The following CASP10 variants were observed in gnomAD, a reference collection of about 807,000 sequenced individuals.
CASP10 encodes caspase-10.
CASP10 carries 41 observed loss-of-function variants against 48.5 expected under a neutral mutation model. The observed-to-expected ratio is 0.85, with a 90% CI of 0.66 to 1.10. The LOEUF (loss-of-function observed/expected upper bound fraction) is 1.10, where lower values mean the gene tolerates loss of function less well. Among genes scored for constraint, CASP10 ranks in the 50% least tolerant of loss-of-function variants. The pLI, the probability that CASP10 is intolerant of heterozygous loss-of-function variation, is 0.00. For synonymous variants in CASP10, 232 were observed against 238.4 expected (o/e 0.97, Z 0.25); for missense variants, 614 against 614.5 (o/e 1.00, Z 0.01).
At chr2:201,186,422 C>A (rs966557111) in intron 2 of CASP10, 17 of 404,380 alleles carry the variant, frequency 4.2e-5, no homozygotes, top group African/African-American at 3.1e-4. Context: ...TGCTTACCAG[C>A]GGCTACACGT....
At chr2:201,196,894 T>C (rs1368094214) in intron 5 of CASP10, among the ~76,000 whole-genome samples, 2 of 152,168 alleles carry the variant, frequency 1.3e-5, no homozygotes, top group Non-Finnish European at 2.9e-5. Flanking sequence ...TCTATAAATT[T>C]GACTTTTCAG....
At chr2:201,224,448 A>T (rs1358446799), downstream of CASP10, among the ~76,000 whole-genome samples, 1 of 152,220 alleles carries the variant, frequency 6.6e-6, no homozygotes, top group Non-Finnish European at 1.5e-5. Flanking sequence ...TAAAAATTTT[A>T]AATTGTACTA....
At chr2:201,187,544 A>G (rs761599476) in intron 2 of CASP10, 162 bp from the exon 3 acceptor site, 4 of 689,344 alleles carry the variant, frequency 5.8e-6, no homozygotes, top group Non-Finnish European at 7.9e-6. Context: ...TCACTTAGAA[A>G]CTGAAAGTTT....
At chr2:201,201,740 C>T (rs1259104635) in intron 5 of CASP10, among the ~76,000 whole-genome samples, 5 of 152,080 alleles carry the variant, frequency 3.3e-5, no homozygotes. Context: ...CTTTCCCTCT[C>T]CATCAAATGA....
chr2:201,193,292 C>A (rs1944674413), intron 4 of CASP10, 173 bp downstream of exon 4: 1 of 559,648 alleles, frequency 1.8e-6, no homozygotes, highest in Non-Finnish European at 3.2e-6. Context: ...ACTGAAACCT[C>A]CGCCTCCCGG....
chr2:201,201,750 A>G (rs1006010378), intron 5 of CASP10, among the ~76,000 whole-genome samples: 3 of 152,170 alleles, frequency 2.0e-5, no homozygotes, highest in African/African-American at 7.2e-5. Flanking sequence ...CCATCAAATG[A>G]TGAATAAAAT....
chr2:201,228,951 A>G (rs1164619718), exon 10 of CASP10: 1 of 1,614,174 alleles, frequency 6.2e-7, no homozygotes, highest in Admixed American at 1.7e-5. Flanking sequence ...AATTTCTGGA[A>G]AAGACAATGG....
Position 201,202,553 on chromosome 2 carries a change from G to C in CASP10, c.685-1177G>C, listed in dbSNP as rs11896994. 2.4e-3 allele frequency among the ~76,000 whole-genome samples: 359 copies of C among 152,318 alleles called. 2 individuals carry two copies. Among genetic ancestry groups the C allele is most frequent in the African/African-American group, 8.0e-3 (331 of 41,572 alleles). On this transcript the variant is annotated intron_variant, in intron 5 of 9. Coordinates refer to ENST00000286186, the MANE Select transcript of CASP10 (RefSeq NM_032977.4). ...CTAATCCCAGAAGACTCACTCAACT[G>C]CTGGACAAAACCAGAAGGCAGTCTG...
rs754513922 is a variant in CASP10, at chr2:201,209,146, G to C, written c.999G>C (p.Glu333Asp). Residue 333 changes from glutamate to aspartate, a missense_variant, in exon 9 of 10, where the codon GAG becomes GAC. Physicochemically the swap from Glu to Asp is conservative, Grantham distance 45. Coordinates refer to ENST00000286186, the MANE Select transcript of CASP10 (RefSeq NM_032977.4). ...IHNNVTKVEM[E>D]MVLQKQKCNP... is the part of the protein sequence containing the mutation. ...ATAATGTGACGAAAGTGGAAATGGA[G>C]ATGGTCCTGCAGAAGCAGAAGTGCA... The C allele has an allele frequency of 6.2e-7, 1 of 1,612,112 alleles. No homozygotes were observed. The highest frequency in any genetic ancestry group is 1.1e-5 in the South Asian group (1 of 90,980).
chr2:201,210,308 C>T (rs534454288), intron 9 of CASP10, among the ~76,000 whole-genome samples: 1 of 152,192 alleles, frequency 6.6e-6, no homozygotes, highest in Non-Finnish European at 1.5e-5. Flanking sequence ...ATCTCTGGCC[C>T]ACTCATCTCT....
In CASP10 at chr2:201,203,697, CTA is replaced by C. The variant is rs757724157; in HGVS notation, c.685-31_685-30del. The C allele has an allele frequency of 5.6e-6, 9 of 1,602,900 alleles. No homozygotes were observed. In the East Asian group the frequency reaches 1.1e-4, roughly 20 times the overall value. On this transcript the variant is annotated intron_variant, in intron 5 of 9. Coordinates refer to ENST00000286186, the MANE Select transcript of CASP10 (RefSeq NM_032977.4). ...TCCTCATCCTAACTGTGTGAAATTCCTATGTTTCATGCCCTCCTTTCTTTTTT... is the reference window on the plus strand; with the variant it reads ...TCCTCATCCTAACTGTGTGAAATTCCTGTTTCATGCCCTCCTTTCTTTTTT...
At chr2:201,200,343 T>A in intron 5 of CASP10, 1 of 1,070,182 alleles carries the variant, frequency 9.3e-7, no homozygotes, top group Non-Finnish European at 1.4e-6. Flanking sequence ...TTTACTATGT[T>A]GGTTGTAAAA....
Position 201,217,952 on chromosome 2 carries a change from CA to C in CASP10, c.*212del. The C allele has an allele frequency of 7.7e-7, 1 of 1,303,760 alleles. No homozygotes were observed. The highest frequency in any genetic ancestry group is 1.0e-6 in the Non-Finnish European group (1 of 1,005,024). The allele number at this position is 1,303,760 out of a possible 1,614,324, so 80.8% of individuals were successfully genotyped here. A position where few individuals can be genotyped will look rare whatever the true frequency, so the allele number is the denominator to read the frequency against. Reference sequence around the variant, plus strand: ...TTTTTTGGAGATAGTCTCATTCTGTCACCCAGACTGGAGTGCAGGGGGGCAA... The same window carrying C: ...TTTTTTGGAGATAGTCTCATTCTGTCCCCAGACTGGAGTGCAGGGGGGCAA... On this transcript the variant is annotated 3_prime_UTR_variant, in exon 10 of 10. Coordinates refer to ENST00000286186, the MANE Select transcript of CASP10 (RefSeq NM_032977.4).
intron 3 of CASP10, among the ~76,000 whole-genome samples, chr2:201,189,862 G>A (rs1450332142): frequency 6.6e-6 from 1 of 152,146 alleles, no homozygotes; most frequent in Admixed American, 6.5e-5. Context: ...AGCTGGGTGT[G>A]GTGGCGTGCA....
chr2:201,229,366 G>T, exon 10 of CASP10: 1 of 486,548 alleles, frequency 2.1e-6, no homozygotes, highest in Admixed American at 3.6e-5. Flanking sequence ...AATGGTCCAT[G>T]GGGAAAAGTG....
chr2:201,202,269 A>T (rs1945046674), intron 5 of CASP10, among the ~76,000 whole-genome samples: 2 of 152,208 alleles, frequency 1.3e-5, no homozygotes, highest in Non-Finnish European at 2.9e-5. Context: ...GAAAACTATC[A>T]AAAGAAGTTG....
intron 9 of CASP10, among the ~76,000 whole-genome samples, chr2:201,210,029 A>G (rs1160669034): frequency 6.6e-6 from 1 of 152,268 alleles, no homozygotes; most frequent in Non-Finnish European, 1.5e-5. Context: ...GGAGGCTTCT[A>G]GAAATGACAA....
chr2:201,217,660 A>C lies in CASP10; in HGVS notation c.1488A>C (p.Thr496=). The change falls in exon 10 of 10, where the codon ACA becomes ACC. Residue 496 remains threonine, a synonymous_variant. Transcript: ENST00000286186. ...DVSRRVDKQG[T]KKQMPQPAFT... ...GTCGAAGAGTGGACAAACAGGGAACAAAGAAACAGATGCCCCAGCCTGCTT... is the reference window on the plus strand; with the variant it reads ...GTCGAAGAGTGGACAAACAGGGAACCAAGAAACAGATGCCCCAGCCTGCTT... 6.2e-7 allele frequency: 1 copy of C among 1,614,214 alleles called. No homozygotes were observed. Among genetic ancestry groups the C allele is most frequent in the Non-Finnish European group, 8.5e-7 (1 of 1,180,032 alleles).
At chr2:201,228,791 G>A in intron 9 of CASP10, 2 of 714,132 alleles carry the variant, frequency 2.8e-6, no homozygotes, top group East Asian at 2.7e-5. Flanking sequence ...CATTACTGAT[G>A]AGAAATATGA....
Sources: allele counts gnomAD v4.1 joint callset (sites outside exome capture counted in the v4.1 genomes callset), GRCh38; gene constraint gnomAD v4.1.1; transcripts MANE v1.5; gene names NCBI Gene and HGNC (gene_info 2026-07-23, HGNC 2026-07-21).